Variants in MACF1 observed in about 807,000 individuals in gnomAD.
MACF1 encodes microtubule-actin cross-linking factor 1.
MACF1 carries 193 observed loss-of-function variants against 854.8 expected under a neutral mutation model. That is an observed-to-expected ratio of 0.23 (90% confidence interval 0.20 to 0.25). MACF1 has a LOEUF of 0.25. MACF1 is among the 10% of genes least tolerant of loss of function. The pLI is 1.00. For missense variants in MACF1, 7,722 were observed against 8,929.1 expected (o/e 0.86, Z 5.45); for synonymous variants, 3,185 against 3,226.7 (o/e 0.99, Z 0.44).
chr1:39,327,622 C>T (rs1246673176), intron 36 of MACF1, among the ~76,000 whole-genome samples: 1 of 152,128 alleles, frequency 6.6e-6, no homozygotes, highest in Admixed American at 6.6e-5. Context: ...AGACAGCAGT[C>T]TAGGAGAACA....
chr1:39,199,217 C>T (rs1216981374), intron 2 of MACF1, among the ~76,000 whole-genome samples: 1 of 151,888 alleles, frequency 6.6e-6, no homozygotes, highest in Non-Finnish European at 1.5e-5. Context: ...GATCTCCTGA[C>T]CTCATGATCC....
chr1:39,110,465 T>C (rs1642372020), intron 2 of MACF1, among the ~76,000 whole-genome samples: 1 of 152,138 alleles, frequency 6.6e-6, no homozygotes, highest in African/African-American at 2.4e-5. Flanking sequence ...CTCAACCCCC[T>C]GGCCTCAAGT....
At chr1:39,302,202 T>A (rs1206837209) in intron 22 of MACF1, among the ~76,000 whole-genome samples, 2 of 152,146 alleles carry the variant, frequency 1.3e-5, no homozygotes, top group Non-Finnish European at 2.9e-5. Context: ...TTTACTATGT[T>A]GCCTAGGCTG....
At chr1:39,471,596 A>G (rs1385696954) in intron 97 of MACF1, among the ~76,000 whole-genome samples, 3 of 152,252 alleles carry the variant, frequency 2.0e-5, no homozygotes, top group East Asian at 3.8e-4. Context: ...GTCTCCTGGT[A>G]CTGCCAAAAT....
chr1:39,414,329 G>A, intron 58 of MACF1: 2 of 1,614,000 alleles, frequency 1.2e-6, no homozygotes, highest in East Asian at 4.5e-5. Context: ...TCAGAAGAAG[G>A]AACACCTGTT....
chr1:39,293,667 A>C, intron 18 of MACF1, 48 bp downstream of exon 18: 1 of 1,565,978 alleles, frequency 6.4e-7, no homozygotes, highest in Non-Finnish European at 8.7e-7. Flanking sequence ...TAACAGCAGC[A>C]GAAGGAGACA....
In MACF1 at chr1:39,433,118, T is replaced by A. The variant is rs753055555; in HGVS notation, c.17528T>A (p.Phe5843Tyr). Residue 5843 changes from phenylalanine (F) to tyrosine (Y), a missense_variant, in exon 68 of 101, where the codon TTT becomes TAT. Physicochemically the swap from Phe to Tyr is conservative, Grantham distance 22. Around this residue, in one of 15 missense-constraint regions of MACF1, gnomAD observed 2,807 missense variants for 3,235.8 expected, o/e 0.87. Transcript: ENST00000564288. ...DELFSHRSEI[F>Y]GTCGEEQKTV... Reference sequence around the variant, plus strand: ...CTCTTCAGTCACCGTAGTGAAATCTTTGGCACATGTGGGGAGGAGCAAAAA... The same window carrying A: ...CTCTTCAGTCACCGTAGTGAAATCTATGGCACATGTGGGGAGGAGCAAAAA... The A allele has an allele frequency of 8.1e-6, 13 of 1,612,322 alleles. No homozygotes were observed. The highest frequency in any genetic ancestry group is 1.0e-5 in the Non-Finnish European group (12 of 1,179,002).
chr1:39,318,722 T>C (rs951668696), intron 30 of MACF1, 107 bp downstream of exon 30: 42 of 1,210,664 alleles, frequency 3.5e-5, no homozygotes, highest in Non-Finnish European at 4.6e-5. Context: ...ATGGAAGATA[T>C]CCAAATTCCC....
intron 57 of MACF1, 130 bp downstream of exon 57, chr1:39,386,059 A>G (rs1641761869): frequency 2.9e-6 from 3 of 1,027,922 alleles, no homozygotes; most frequent in Admixed American, 2.8e-5. Flanking sequence ...TGTTAAACCA[A>G]TTCCTTCTCC....
At chr1:39,147,529 C>T (rs1197193576) in intron 2 of MACF1, among the ~76,000 whole-genome samples, 1 of 141,260 alleles carries the variant, frequency 7.1e-6, no homozygotes, top group African/African-American at 2.6e-5. Flanking sequence ...TCTTTTCCTT[C>T]TTTCTTCTTC....
At chr1:39,364,515 C>T (rs57299793) in intron 49 of MACF1, among the ~76,000 whole-genome samples, 3,530 of 147,876 alleles carry the variant, frequency 0.024, 108 homozygotes, top group East Asian at 0.16. Flanking sequence ...TTTTTTGAGA[C>T]GGAGTCTCGC....
chr1:39,245,994 A>G (rs1473502543), intron 2 of MACF1, among the ~76,000 whole-genome samples: 1 of 152,186 alleles, frequency 6.6e-6, no homozygotes, highest in Non-Finnish European at 1.5e-5. Flanking sequence ...AAGTTAAAAA[A>G]CTTTCTTAGT....
chr1:39,168,514 G>A (rs1471082558), intron 2 of MACF1, among the ~76,000 whole-genome samples: 3 of 152,162 alleles, frequency 2.0e-5, no homozygotes, highest in Non-Finnish European at 4.4e-5. Flanking sequence ...CGTGTGTGTG[G>A]AGAACGGTCT....
At chr1:39,396,773 A>C (rs1360097914) in intron 58 of MACF1, among the ~76,000 whole-genome samples, 1 of 152,190 alleles carries the variant, frequency 6.6e-6, no homozygotes, top group Non-Finnish European at 1.5e-5. Context: ...TGACTTCCAC[A>C]GGGAGTTGTG....
Position 39,283,563 on chromosome 1 carries a change from G to A in MACF1, c.915+48G>A. On this transcript the variant is annotated intron_variant, in intron 9 of 100. Transcript: ENST00000564288. The surrounding 1 kb of genome is among the most constrained non-coding windows in gnomAD (Gnocchi z 4.5). ...GGCCTTCTGACTTTGATTCATTTGG[G>A]TGAAATGCATTGGTTAGACACTTTC... 7.5e-7 allele frequency: 1 copy of A among 1,340,264 alleles called. No homozygotes were observed. The highest frequency in any genetic ancestry group is 1.2e-5 in the South Asian group (1 of 84,622). 83.0% of individuals were successfully genotyped at this position (1,340,264 alleles called of 1,614,324 possible).
intron 23 of MACF1, among the ~76,000 whole-genome samples, chr1:39,304,143 A>G (rs1189912109): frequency 1.4e-5 from 2 of 145,688 alleles, no homozygotes; most frequent in East Asian, 4.2e-4. Context: ...TACATTAGGT[A>G]TATCTCCTAA....
chr1:39,306,859 A>AAAT (rs945164360), intron 23 of MACF1, among the ~76,000 whole-genome samples: 9 of 129,480 alleles, frequency 7.0e-5, no homozygotes, highest in Non-Finnish European at 1.5e-4. Context: ...ACATTTTTTG[A>AAAT]AATTATTATT....
At chr1:39,197,843 A>G (rs1197998298) in intron 2 of MACF1, among the ~76,000 whole-genome samples, 1 of 152,176 alleles carries the variant, frequency 6.6e-6, no homozygotes, top group East Asian at 1.9e-4. Context: ...CTATGATCAC[A>G]CCACTGCATT....
chr1:39,460,652 T>C lies in MACF1; in HGVS notation c.21381T>C (p.Phe7127=). Residue 7127 remains phenylalanine (F), a synonymous_variant, in exon 92 of 101, where the codon TTT becomes TTC. Coordinates refer to ENST00000564288, the MANE Select transcript of MACF1 (RefSeq NM_001394062.1). This position sits in a 1 kb window ranked among gnomAD's most constrained non-coding sequence, Gnocchi z 4.1. The part of the protein sequence containing the change: ...RLEELKEFAN[F]DFDVWRKKYM... ...TGTAGTTGAAAGAATTTGCCAACTT[T>C]GACTTTGATGTCTGGAGGAAAAAGT... The C allele has an allele frequency of 1.9e-6, 3 of 1,614,222 alleles. No individual in the cohort carries two copies. The highest frequency in any genetic ancestry group is 2.5e-6 in the Non-Finnish European group (3 of 1,180,026).
Sources: gnomAD v4.1 joint callset for allele counts (sites outside exome capture counted in the v4.1 genomes callset) on GRCh38, gnomAD v4.1.1 for gene constraint, gnomAD v4.1.1 regional missense constraint, Gnocchi (gnomAD v3.1) non-coding constraint, MANE v1.5 for transcripts, NCBI Gene and HGNC (gene_info 2026-07-23, HGNC 2026-07-21) for gene names.